Variants in SPON1 observed in about 807,000 individuals in gnomAD.
The protein encoded by SPON1 is spondin-1.
SPON1 carries 52 observed loss-of-function variants against 111.7 expected under a neutral mutation model. The observed-to-expected ratio is 0.47, with a 90% CI of 0.37 to 0.59. SPON1 has a LOEUF of 0.59. Ranked by LOEUF, SPON1 falls within the 20% of genes least tolerant of loss-of-function variation. The probability of loss-of-function intolerance (pLI) is 0.00; values close to 1 mark genes in which losing one functional copy is unlikely to be tolerated. For synonymous variants in SPON1, 410 were observed against 395.8 expected, an observed-to-expected ratio of 1.04 and a Z score of -0.43; for missense variants, 957 against 1,068.5, an observed-to-expected ratio of 0.90 and a Z score of 1.46.
chr11:14,047,548 C>T (rs1224127597), intron 3 of SPON1, among the ~76,000 whole-genome samples: 1 of 152,072 alleles, frequency 6.6e-6, no homozygotes, highest in Admixed American at 6.5e-5. Context: ...GCTAGCAAAC[C>T]GAAGACAGAT....
chr11:13,967,920 A>G (rs1554908193), intron 1 of SPON1, among the ~76,000 whole-genome samples: 1 of 152,242 alleles, frequency 6.6e-6, no homozygotes, highest in Non-Finnish European at 1.5e-5. Context: ...GTTTTAGGAA[A>G]TGAAAGAAAT....
At chr11:14,132,880 A>G (rs782169255) in intron 5 of SPON1, among the ~76,000 whole-genome samples, 10 of 152,336 alleles carry the variant, frequency 6.6e-5, no homozygotes, top group Admixed American at 1.3e-4. Flanking sequence ...AGTGATTTCA[A>G]TATATTATCT....
intron 3 of SPON1, among the ~76,000 whole-genome samples, chr11:14,057,049 A>G (rs1591363487): frequency 2.0e-5 from 3 of 152,122 alleles, no homozygotes; most frequent in African/African-American, 7.2e-5. Context: ...TAAATAATAT[A>G]AATAAACACA....
intron 5 of SPON1, among the ~76,000 whole-genome samples, chr11:14,134,652 ATTTCT>A (rs1191574670): frequency 6.6e-6 from 1 of 152,062 alleles, no homozygotes; most frequent in Admixed American, 6.6e-5. Context: ...GTCCCCACAC[ATTTCT>A]TTTATCTTTT....
rs373869614 is a variant in SPON1, at chr11:14,015,340, A to G, written c.346-26181A>G. 8.6e-4 allele frequency among the ~76,000 whole-genome samples: 131 copies of G among 152,324 alleles called. 1 individual carries two copies. Among genetic ancestry groups the G allele is most frequent in the Admixed American group, 1.1e-3 (17 of 15,308 alleles). On this transcript the variant is annotated intron_variant, in intron 2 of 15. Transcript: ENST00000576479. ...CTTGTTGCATGCTCTGGAGGGGACA[A>G]GCACTGTGTCCTCAGGTGGTAGAAG... is the stretch of plus-strand genomic sequence containing the variant.
intron 8 of SPON1, among the ~76,000 whole-genome samples, chr11:14,255,351 A>G (rs1378519303): frequency 6.6e-6 from 1 of 152,208 alleles, no homozygotes; most frequent in Admixed American, 6.5e-5. Flanking sequence ...GTCTATTAGA[A>G]AGAGTTTGGG....
intron 5 of SPON1, among the ~76,000 whole-genome samples, chr11:14,121,548 G>T (rs782438388): frequency 6.6e-6 from 1 of 152,108 alleles, no homozygotes; most frequent in Non-Finnish European, 1.5e-5. Context: ...CAAAAGATGG[G>T]CTTTTGTGAG....
chr11:14,258,998 T>C (rs1188532732), intron 11 of SPON1, among the ~76,000 whole-genome samples: 2 of 152,252 alleles, frequency 1.3e-5, no homozygotes, highest in Non-Finnish European at 2.9e-5. Flanking sequence ...TTATCTTAGA[T>C]ATATGCGTGT....
chr11:14,072,155 A>G (rs1848882086), intron 3 of SPON1, among the ~76,000 whole-genome samples: 1 of 152,206 alleles, frequency 6.6e-6, no homozygotes, highest in Non-Finnish European at 1.5e-5. Flanking sequence ...AGGACCTGTC[A>G]TATATAAAGC....
chr11:14,214,049 T>C (rs1446662399), intron 6 of SPON1, among the ~76,000 whole-genome samples: 1 of 152,248 alleles, frequency 6.6e-6, no homozygotes. Context: ...CCCATCCAAA[T>C]GCTTACTCCC....
At chr11:13,987,938 T>C (rs1400988512) in intron 2 of SPON1, among the ~76,000 whole-genome samples, 2 of 152,244 alleles carry the variant, frequency 1.3e-5, no homozygotes, top group South Asian at 2.1e-4. Flanking sequence ...AGTATCATGC[T>C]GTTTTGGTTA....
intron 2 of SPON1, among the ~76,000 whole-genome samples, chr11:14,037,618 C>G (rs1383774170): frequency 2.0e-5 from 3 of 151,172 alleles, no homozygotes; most frequent in East Asian, 3.9e-4. Flanking sequence ...AAATGCAGAA[C>G]TATAAAACTC....
chr11:14,003,358 C>T (rs1207465277), intron 2 of SPON1, among the ~76,000 whole-genome samples: 2 of 152,090 alleles, frequency 1.3e-5, no homozygotes, highest in South Asian at 2.1e-4. Flanking sequence ...CACCGAACAG[C>T]GAGAGAAAAG....
intron 2 of SPON1, among the ~76,000 whole-genome samples, chr11:13,987,916 T>C (rs1314047176): frequency 1.3e-5 from 2 of 152,242 alleles, no homozygotes; most frequent in Non-Finnish European, 2.9e-5. Flanking sequence ...TCTATATATC[T>C]GTTTTGGTAC....
chr11:14,164,105 G>A (rs2133877590), intron 6 of SPON1, among the ~76,000 whole-genome samples: 1 of 152,260 alleles, frequency 6.6e-6, no homozygotes, highest in South Asian at 2.1e-4. Context: ...CAGGTTGAGT[G>A]GCCAAGGCAA....
At chr11:13,977,530 TTGTC>T (rs1341143227) in intron 1 of SPON1, among the ~76,000 whole-genome samples, 1 of 152,216 alleles carries the variant, frequency 6.6e-6, no homozygotes, top group Non-Finnish European at 1.5e-5. Context: ...TTCTGTTGAG[TTGTC>T]TGTCTTTTTC....
At chr11:14,263,317 C>T (rs1564944959) in intron 15 of SPON1, among the ~76,000 whole-genome samples, 1 of 152,156 alleles carries the variant, frequency 6.6e-6, no homozygotes, top group Non-Finnish European at 1.5e-5. Flanking sequence ...CAACTTTGCT[C>T]AAAGTCAGTT....
At chr11:14,056,705 C>A (rs1040888669) in intron 3 of SPON1, among the ~76,000 whole-genome samples, 3 of 151,908 alleles carry the variant, frequency 2.0e-5, no homozygotes, top group Non-Finnish European at 2.9e-5. Flanking sequence ...CTGGCAAACA[C>A]GGTGAAACCC....
chr11:14,006,479 C>G (rs1431268583), intron 2 of SPON1, among the ~76,000 whole-genome samples: 1 of 152,118 alleles, frequency 6.6e-6, no homozygotes, highest in African/African-American at 2.4e-5. Flanking sequence ...ATCAGGAAGG[C>G]TGCTCATCAG....
Sources: gnomAD v4.1 joint callset for allele counts (sites outside exome capture counted in the v4.1 genomes callset) on GRCh38, gnomAD v4.1.1 for gene constraint, MANE v1.5 for transcripts, NCBI Gene and HGNC (gene_info 2026-07-23, HGNC 2026-07-21) for gene names.